VAV3: variants seen among roughly 807,000 people sequenced by gnomAD.
The protein encoded by VAV3 is vav guanine nucleotide exchange factor 3.
Under a neutral mutation model 131.2 loss-of-function variants are expected in VAV3, and 94 were observed. That is an observed-to-expected ratio of 0.72 (90% confidence interval 0.61 to 0.85). The LOEUF is 0.85. VAV3 is among the 40% of genes least tolerant of loss of function. VAV3 has a pLI of 0.00. For synonymous variants in VAV3, 349 were observed against 342.0 expected (o/e 1.02, Z -0.22); for missense variants, 939 against 1,002.7 (o/e 0.94, Z 0.86).
chr1:107,801,560 T>C (rs1384684750), intron 2 of VAV3, among the ~76,000 whole-genome samples: 1 of 152,162 alleles, frequency 6.6e-6, no homozygotes, highest in African/African-American at 2.4e-5. Context: ...TAGCTGAGTG[T>C]TGGCCAATCT....
At chr1:107,896,027 T>C (rs972498231) in intron 1 of VAV3, among the ~76,000 whole-genome samples, 1 of 152,098 alleles carries the variant, frequency 6.6e-6, no homozygotes, top group Non-Finnish European at 1.5e-5. Flanking sequence ...TTGCAGGAAG[T>C]AACTCTCCGT....
intron 15 of VAV3, among the ~76,000 whole-genome samples, chr1:107,715,811 A>G (rs1429194596): frequency 3.9e-5 from 6 of 152,188 alleles, no homozygotes; most frequent in Non-Finnish European, 5.9e-5. Flanking sequence ...CTCTGGTCCA[A>G]TAAATCTGAA....
At chr1:107,787,650 T>G (rs1284026358) in intron 2 of VAV3, among the ~76,000 whole-genome samples, 2 of 152,352 alleles carry the variant, frequency 1.3e-5, no homozygotes, top group East Asian at 3.9e-4. Context: ...TGAGAATACT[T>G]GTGTATTCTA....
chr1:107,574,919 A>G (rs1649502390), intron 25 of VAV3, among the ~76,000 whole-genome samples: 1 of 151,620 alleles, frequency 6.6e-6, no homozygotes, highest in African/African-American at 2.4e-5. Flanking sequence ...ATCAAAAATA[A>G]GATGTCAGGG....
intron 19 of VAV3, among the ~76,000 whole-genome samples, chr1:107,654,647 C>T (rs896861171): frequency 2.0e-5 from 3 of 151,890 alleles, no homozygotes; most frequent in African/African-American, 7.2e-5. Flanking sequence ...TAATTATCTC[C>T]CCAAATTTTT....
Position 107,751,212 on chromosome 1 carries a change from A to C in VAV3, c.1174-10T>G. The C allele has an allele frequency of 1.2e-6, 2 of 1,602,758 alleles. No homozygotes were observed. Among genetic ancestry groups the C allele is most frequent in the Non-Finnish European group, 1.7e-6 (2 of 1,175,016 alleles). ...GCAAAACTGGTTGGTTCTAAAATAT[A>C]AAATGCACATGTCAGAGTTTTTCAT... On this transcript the variant is annotated splice_polypyrimidine_tract_variant and intron_variant, in intron 12 of 26. Coordinates refer to ENST00000370056, the MANE Select transcript of VAV3 (RefSeq NM_006113.5).
chr1:107,645,780 G>A (rs1655695021), intron 19 of VAV3, among the ~76,000 whole-genome samples: 1 of 152,024 alleles, frequency 6.6e-6, no homozygotes, highest in African/African-American at 2.4e-5. Context: ...ATTTACAGAT[G>A]TTCATATTTC....
intron 2 of VAV3, among the ~76,000 whole-genome samples, chr1:107,830,170 A>T (rs1041746635): frequency 5.3e-5 from 8 of 152,090 alleles, no homozygotes; most frequent in Admixed American, 1.3e-4. Flanking sequence ...TGCACATAAG[A>T]TCATGCACTA....
intron 2 of VAV3, among the ~76,000 whole-genome samples, chr1:107,868,197 A>ATTTTT (rs779000134): frequency 6.6e-6 from 1 of 152,216 alleles, no homozygotes; most frequent in Non-Finnish European, 1.5e-5. Flanking sequence ...AGATTTCTGG[A>ATTTTT]TAATTTGAGT....
Position 107,765,187 on chromosome 1 carries a change from A to G in VAV3, c.822-12T>C, listed in dbSNP as rs750252340. On this transcript the variant is annotated splice_polypyrimidine_tract_variant and intron_variant, in intron 8 of 26. Coordinates refer to ENST00000370056, the MANE Select transcript of VAV3 (RefSeq NM_006113.5). ...CGTAAATAACCAATCTGAAAGGGAA[A>G]AAAGACAAGAAATCTCTAAGACAAA... 1.3e-6 allele frequency: 2 copies of G among 1,595,306 alleles called. No homozygotes were observed. The highest frequency in any genetic ancestry group is 1.7e-6 in the Non-Finnish European group (2 of 1,163,986).
At chr1:107,598,959 T>G (rs1651620965) in intron 24 of VAV3, among the ~76,000 whole-genome samples, 1 of 152,188 alleles carries the variant, frequency 6.6e-6, no homozygotes, top group South Asian at 2.1e-4. Context: ...AGCTTTGAAC[T>G]TCAACGTAAT....
At chr1:107,651,269 C>T (rs563943935) in intron 19 of VAV3, among the ~76,000 whole-genome samples, 2 of 152,278 alleles carry the variant, frequency 1.3e-5, no homozygotes, top group South Asian at 2.1e-4. Flanking sequence ...CAGACTAAAA[C>T]ACCTACCAAC....
chr1:107,915,474 G>C (rs1425396166), intron 1 of VAV3, among the ~76,000 whole-genome samples: 5 of 152,150 alleles, frequency 3.3e-5, no homozygotes, highest in African/African-American at 1.2e-4. Context: ...TTGGAGACCA[G>C]ACAGAGGCAG....
chr1:107,842,728 A>C (rs535808929), intron 2 of VAV3, among the ~76,000 whole-genome samples: 1 of 151,908 alleles, frequency 6.6e-6, no homozygotes, highest in Non-Finnish European at 1.5e-5. Context: ...TACGCATTTT[A>C]ATTTTTCTTC....
At chr1:107,663,958 AAGAT>A (rs1457265468) in intron 19 of VAV3, among the ~76,000 whole-genome samples, 12 of 152,174 alleles carry the variant, frequency 7.9e-5, no homozygotes, top group African/African-American at 2.9e-4. Context: ...AAAATTAACA[AAGAT>A]AGTATGGGCT....
intron 2 of VAV3, among the ~76,000 whole-genome samples, chr1:107,851,396 G>GAA (rs74262709): frequency 0.02 from 1,521 of 74,932 alleles, 24 homozygotes; most frequent in African/African-American, 0.039. Flanking sequence ...AAAACACTCA[G>GAA]AAAAAAAAAA....
chr1:107,754,393 A>G (rs368478280), intron 12 of VAV3, among the ~76,000 whole-genome samples: 71 of 152,326 alleles, frequency 4.7e-4, no homozygotes, highest in African/African-American at 1.6e-3. Flanking sequence ...CAGGTTCACA[A>G]TGTTTCAGAG....
At chr1:107,831,038 C>T (rs1281156313) in intron 2 of VAV3, among the ~76,000 whole-genome samples, 2 of 151,960 alleles carry the variant, frequency 1.3e-5, no homozygotes, top group Non-Finnish European at 2.9e-5. Flanking sequence ...GTTGAGTATC[C>T]CTTATCTGAA....
chr1:107,891,566 C>G (rs757264508), intron 1 of VAV3, among the ~76,000 whole-genome samples: 1 of 151,934 alleles, frequency 6.6e-6, no homozygotes, highest in Non-Finnish European at 1.5e-5. Context: ...GGGGTGGGCA[C>G]GGTAGCTCAT....
Sources: allele counts gnomAD v4.1 joint callset (sites outside exome capture counted in the v4.1 genomes callset), GRCh38; gene constraint gnomAD v4.1.1; transcripts MANE v1.5; gene names NCBI Gene and HGNC (gene_info 2026-07-23, HGNC 2026-07-21).